Variants in GALNTL6 observed in about 807,000 individuals in gnomAD.
GALNTL6 encodes the protein polypeptide N-acetylgalactosaminyltransferase-like 6.
GALNTL6 carries 46 observed loss-of-function variants against 73.7 expected under a neutral mutation model. That is an observed-to-expected ratio of 0.62 (90% CI 0.49 to 0.80). GALNTL6 has a LOEUF of 0.80. Ranked by LOEUF, GALNTL6 falls within the 30% of genes least tolerant of loss-of-function variation. GALNTL6 has a pLI of 0.00. For synonymous variants in GALNTL6, 259 were observed against 263.7 expected (o/e 0.98, Z 0.17); for missense variants, 604 against 755.0 (o/e 0.80, Z 2.34).
chr4:172,438,701 T>G (rs1007792137), intron 5 of GALNTL6, among the ~76,000 whole-genome samples: 1 of 152,042 alleles, frequency 6.6e-6, no homozygotes, highest in East Asian at 1.9e-4. Context: ...CATTTAAAAT[T>G]TATGATCAGT....
chr4:172,749,121 C>T (rs1242572417), intron 5 of GALNTL6, among the ~76,000 whole-genome samples: 4 of 151,644 alleles, frequency 2.6e-5, no homozygotes. Context: ...AGAAGTTTCA[C>T]CATGTTATCC....
intron 3 of GALNTL6, among the ~76,000 whole-genome samples, chr4:172,297,638 G>A (rs909199151): frequency 1.3e-5 from 2 of 152,058 alleles, no homozygotes; most frequent in Non-Finnish European, 2.9e-5. Context: ...TTTTTATCAG[G>A]TTTGTCAAAA....
intron 2 of GALNTL6, among the ~76,000 whole-genome samples, chr4:172,204,755 T>A (rs1736055648): frequency 6.6e-6 from 1 of 152,162 alleles, no homozygotes; most frequent in African/African-American, 2.4e-5. Flanking sequence ...AATAGAGTTA[T>A]CAAACTATTT....
chr4:172,673,993 A>G (rs1732137967), intron 5 of GALNTL6, among the ~76,000 whole-genome samples: 1 of 152,120 alleles, frequency 6.6e-6, no homozygotes, highest in South Asian at 2.1e-4. Context: ...ATATGTGTGG[A>G]TTTGATCCTG....
chr4:171,924,585 C>CT (rs1057090019), intron 2 of GALNTL6, among the ~76,000 whole-genome samples: 3 of 152,130 alleles, frequency 2.0e-5, no homozygotes, highest in African/African-American at 7.2e-5. Flanking sequence ...CTTTTTGACT[C>CT]TGAGTTCTGG....
intron 7 of GALNTL6, among the ~76,000 whole-genome samples, chr4:172,828,385 G>A (rs1227956811): frequency 1.3e-5 from 2 of 151,862 alleles, no homozygotes; most frequent in East Asian, 3.9e-4. Context: ...CACAGGGAGG[G>A]AAACCTGCCT....
chr4:172,828,238 C>T (rs1742380613), intron 7 of GALNTL6, among the ~76,000 whole-genome samples: 1 of 144,932 alleles, frequency 6.9e-6, no homozygotes, highest in African/African-American at 2.6e-5. Context: ...CATCATTGCA[C>T]TCTAGCCTGG....
At chr4:172,776,460 G>A (rs1739076907) in intron 5 of GALNTL6, among the ~76,000 whole-genome samples, 1 of 152,070 alleles carries the variant, frequency 6.6e-6, no homozygotes, top group Non-Finnish European at 1.5e-5. Flanking sequence ...AGCTAAAGAG[G>A]GTGAAACAGA....
At chr4:172,368,649 G>A (rs1270748459) in intron 5 of GALNTL6, among the ~76,000 whole-genome samples, 8 of 152,082 alleles carry the variant, frequency 5.3e-5, no homozygotes, top group Admixed American at 2.6e-4. Flanking sequence ...GAATGAAGCC[G>A]CGGACCCTTG....
chr4:173,007,910 C>G (rs1241129676), intron 10 of GALNTL6, among the ~76,000 whole-genome samples: 4 of 152,124 alleles, frequency 2.6e-5, no homozygotes. Context: ...TTTCCCACCT[C>G]TAAGTATTGA....
At chr4:172,439,211 C>T (rs1425733998) in intron 5 of GALNTL6, among the ~76,000 whole-genome samples, 1 of 135,156 alleles carries the variant, frequency 7.4e-6, no homozygotes, top group Non-Finnish European at 1.6e-5. Flanking sequence ...CACACACACA[C>T]TTCTCACATT....
At chr4:172,373,336 G>A (rs1273973204) in intron 5 of GALNTL6, among the ~76,000 whole-genome samples, 1 of 151,962 alleles carries the variant, frequency 6.6e-6, no homozygotes, top group African/African-American at 2.4e-5. Flanking sequence ...AGAGAGCAGG[G>A]AATAGGGGTT....
At chr4:172,463,511 A>G (rs1223244802) in intron 5 of GALNTL6, among the ~76,000 whole-genome samples, 2 of 152,184 alleles carry the variant, frequency 1.3e-5, no homozygotes, top group African/African-American at 4.8e-5. Context: ...GCGTGTTTCT[A>G]TTTCATTCAT....
chr4:172,654,381 G>A (rs1392690380), intron 5 of GALNTL6, among the ~76,000 whole-genome samples: 1 of 152,178 alleles, frequency 6.6e-6, no homozygotes, highest in Non-Finnish European at 1.5e-5. Context: ...TATTTCTTGT[G>A]TCAAAATCAA....
At chr4:172,784,102 A>AT (rs1031572499) in intron 5 of GALNTL6, among the ~76,000 whole-genome samples, 3 of 152,074 alleles carry the variant, frequency 2.0e-5, no homozygotes, top group Admixed American at 2.0e-4. Flanking sequence ...AATAATTTTT[A>AT]TTTATGGGAC....
chr4:172,420,258 A>G (rs984800342), intron 5 of GALNTL6, among the ~76,000 whole-genome samples: 13 of 152,322 alleles, frequency 8.5e-5, no homozygotes, highest in African/African-American at 2.9e-4. Flanking sequence ...TTCAGCTTAC[A>G]TTGTTAAGAA....
intron 7 of GALNTL6, among the ~76,000 whole-genome samples, chr4:172,841,257 A>G (rs1379714871): frequency 6.6e-6 from 1 of 152,244 alleles, no homozygotes; most frequent in Non-Finnish European, 1.5e-5. Flanking sequence ...AGAATGGCGA[A>G]GATTTGACAT....
chr4:171,828,258 C>T (rs949229851), intron 2 of GALNTL6, among the ~76,000 whole-genome samples: 7 of 152,124 alleles, frequency 4.6e-5, no homozygotes, highest in Non-Finnish European at 8.8e-5. Flanking sequence ...AAACACTGTG[C>T]GATGCTAATC....
At chr4:172,911,114 T>C (rs1168949580) in intron 8 of GALNTL6, among the ~76,000 whole-genome samples, 2 of 152,234 alleles carry the variant, frequency 1.3e-5, no homozygotes, top group Admixed American at 6.5e-5. Flanking sequence ...TCTCCATAGT[T>C]GTCTGAAAAT....
Sources: allele counts gnomAD v4.1 joint callset (sites outside exome capture counted in the v4.1 genomes callset), GRCh38; gene constraint gnomAD v4.1.1; transcripts MANE v1.5; gene names NCBI Gene and HGNC (gene_info 2026-07-23, HGNC 2026-07-21).